Variants in ZNF226 observed in about 807,000 individuals in gnomAD.
ZNF226 encodes Kruppel-associated box protein.
Under a neutral mutation model 11.4 loss-of-function variants are expected in ZNF226, and 6 were observed. The ratio of observed to expected loss-of-function variants is 0.53; its 90% CI spans 0.29 to 1.04. The LOEUF is 1.04. Among genes scored for constraint, ZNF226 ranks in the 50% least tolerant of loss-of-function variants. The pLI is 0.08. For missense variants in ZNF226, 1,058 were observed against 956.5 expected, an observed-to-expected ratio of 1.11 and a Z score of -1.40; for synonymous variants, 350 against 322.8, an observed-to-expected ratio of 1.08 and a Z score of -0.90.
rs1970538333 is a variant in ZNF226, at chr19:44,174,901, A to G, written c.236-597A>G. 2.3e-6 allele frequency: 3 copies of G among 1,307,572 alleles called. 1 individual carries two copies. The South Asian group carries it at 4.0e-5, about 18-fold the overall frequency. The allele number at this position is 1,307,572 out of a possible 1,614,324, so 81.0% of individuals were successfully genotyped here. A position where few individuals can be genotyped will look rare whatever the true frequency, so the allele number is the denominator to read the frequency against. On this transcript the variant is annotated intron_variant, in intron 5 of 5. Transcript: ENST00000337433. ...ACTTTGATTTTTCTCTTCAGCAATA[A>G]CTCACTTGGTGTACCCCTACCTCAG...
chr19:44,177,058 G>A lies in ZNF226; in HGVS notation c.1796G>A (p.Arg599Lys). The A allele has an allele frequency of 1.2e-6, 2 of 1,613,338 alleles. No homozygotes were observed. Among genetic ancestry groups the A allele is most frequent in the Middle Eastern group, 1.7e-4 (1 of 6,056 alleles). The stretch of plus-strand genomic sequence containing the variant: ...GAGTGTGGCAAGGGATTTAGTCGTA[G>A]AGCAGATCTTAAAATTCACTGTAGG... The part of the protein sequence containing the change: ...CEECGKGFSR[R>K]ADLKIHCRIH... The change falls in exon 6 of 6, where the codon AGA becomes AAA. Residue 599 changes from arginine (R) to lysine (K), a missense_variant. Transcript: ENST00000337433.
rs1970783895 is a variant in ZNF226, at chr19:44,177,342, A to G, written c.2080A>G (p.Thr694Ala). 1 of 1,614,086 alleles carries G rather than the reference A, an allele frequency of 6.2e-7. No individual in the cohort carries two copies. The highest frequency in any genetic ancestry group is 8.5e-7 in the Non-Finnish European group (1 of 1,180,046). ...LNLDMHQRVH[T>A]GEKPYKCGEC... ...CCTTGACATGCATCAGAGGGTGCAC[A>G]CAGGAGAAAAACCATATAAATGTGG... The change falls in exon 6 of 6, where the codon ACA (threonine) becomes GCA (alanine). Residue 694 changes from threonine to alanine, a missense_variant. Thr to Ala is a moderately conservative substitution (Grantham distance 58). Transcript: ENST00000337433.
chr19:44,167,479 G>A (rs1293650735), intron 2 of ZNF226, among the ~76,000 whole-genome samples: 2 of 151,266 alleles, frequency 1.3e-5, no homozygotes, highest in East Asian at 1.9e-4. Flanking sequence ...CCACCACACC[G>A]GCTAATTTTT....
At chr19:44,199,486 A>G in the ZNF226 span, among the ~76,000 whole-genome samples, 11 of 151,952 alleles carry the variant, frequency 7.2e-5, no homozygotes, top group African/African-American at 2.4e-4. Context: ...TTCTTACACA[A>G]CTAATTCTGC....
downstream of ZNF226, among the ~76,000 whole-genome samples, chr19:44,180,531 TAGTG>T (rs1970891774): frequency 6.6e-6 from 1 of 152,140 alleles, no homozygotes; most frequent in Non-Finnish European, 1.5e-5. Flanking sequence ...CTCAGTAGCT[TAGTG>T]AGTTAAGTCA....
At chr19:44,185,402 C>G in the ZNF226 span, among the ~76,000 whole-genome samples, 1 of 152,212 alleles carries the variant, frequency 6.6e-6, no homozygotes. Context: ...ACATCCTTGA[C>G]AACACTTGTT....
chr19:44,188,769 G>A, the ZNF226 span, among the ~76,000 whole-genome samples: 20 of 152,134 alleles, frequency 1.3e-4, no homozygotes, highest in Non-Finnish European at 2.2e-4. Flanking sequence ...TGATATAAAT[G>A]TCAATCTAAA....
At chr19:44,167,720 CGTTT>C (rs1487044502) in intron 2 of ZNF226, 4 of 152,158 alleles carry the variant, frequency 2.6e-5, no homozygotes, top group African/African-American at 9.7e-5. Context: ...CCAGTTGTTA[CGTTT>C]GTTTGTTATG....
intron 5 of ZNF226, chr19:44,173,388 C>T (rs1293943472): frequency 8.9e-6 from 2 of 225,268 alleles, no homozygotes; most frequent in African/African-American, 4.5e-5. Flanking sequence ...GTTCTTCCCT[C>T]TGCCTGAAAT....
chr19:44,180,765 G>A (rs1394404584), downstream of ZNF226, among the ~76,000 whole-genome samples: 5 of 152,142 alleles, frequency 3.3e-5, no homozygotes, highest in Non-Finnish European at 7.4e-5. Flanking sequence ...TAAACCAAAT[G>A]ATTTGTCTCC....
chr19:44,166,432 C>A (rs969978687), intron 2 of ZNF226, among the ~76,000 whole-genome samples: 2 of 151,856 alleles, frequency 1.3e-5, no homozygotes, highest in Non-Finnish European at 2.9e-5. Flanking sequence ...ACCCAGGAGG[C>A]GAGGCTGCAG....
rs762065164 is a variant in ZNF226 at position 44,177,322 on chromosome 19, A to G, written c.2060A>G (p.Asp687Gly). 4.3e-6 allele frequency: 7 copies of G among 1,614,204 alleles called. No individual in the cohort carries two copies. The highest frequency in any genetic ancestry group is 5.9e-6 in the Non-Finnish European group (7 of 1,180,026). ...GKGFKWSLNL[D>G]MHQRVHTGEK... ...GGCTTCAAGTGGAGCTTGAACCTTG[A>G]CATGCATCAGAGGGTGCACACAGGA... is the stretch of plus-strand genomic sequence containing the variant. Residue 687 changes from aspartate (D) to glycine (G), a missense_variant, in exon 6 of 6, where the codon GAC becomes GGC. By Grantham distance (94) the Asp-to-Gly change is moderately conservative. Coordinates refer to ENST00000337433, the MANE Select transcript of ZNF226 (RefSeq NM_001032373.2).
downstream of ZNF226, among the ~76,000 whole-genome samples, chr19:44,183,043 G>A (rs1356689940): frequency 2.0e-5 from 3 of 152,046 alleles, no homozygotes; most frequent in Non-Finnish European, 4.4e-5. Flanking sequence ...AAAGTACACT[G>A]ATACGCTGCC....
chr19:44,197,832 A>G, the ZNF226 span, among the ~76,000 whole-genome samples: 4 of 152,138 alleles, frequency 2.6e-5, no homozygotes, highest in African/African-American at 4.8e-5. Flanking sequence ...CACTTTCCTT[A>G]TGGTACATTT....
downstream of ZNF226, among the ~76,000 whole-genome samples, chr19:44,182,455 C>A (rs1174276346): frequency 6.6e-6 from 1 of 152,214 alleles, no homozygotes; most frequent in Non-Finnish European, 1.5e-5. Flanking sequence ...AAATTGTCCC[C>A]AACTGAGAAC....
chr19:44,178,930 C>T (rs1054224618), downstream of ZNF226, among the ~76,000 whole-genome samples: 26 of 152,098 alleles, frequency 1.7e-4, no homozygotes, highest in African/African-American at 1.7e-4. Flanking sequence ...CCATAATCCC[C>T]GTACTTTGGG....
the ZNF226 span, among the ~76,000 whole-genome samples, chr19:44,185,067 G>A: frequency 6.6e-6 from 1 of 152,194 alleles, no homozygotes; most frequent in Non-Finnish European, 1.5e-5. Flanking sequence ...TGTTCTCGAG[G>A]TTGATTAATG....
At chr19:44,169,414 A>G (rs1356409136) in intron 2 of ZNF226, among the ~76,000 whole-genome samples, 1 of 152,196 alleles carries the variant, frequency 6.6e-6, no homozygotes, top group Non-Finnish European at 1.5e-5. Context: ...AATTATTGGA[A>G]AGACGACAAG....
At chr19:44,196,472 A>G in the ZNF226 span, among the ~76,000 whole-genome samples, 1 of 152,164 alleles carries the variant, frequency 6.6e-6, no homozygotes, top group Non-Finnish European at 1.5e-5. Context: ...GACCTCAGAT[A>G]GGCACTGTTC....
Sources: allele counts gnomAD v4.1 joint callset (sites outside exome capture counted in the v4.1 genomes callset), GRCh38; gene constraint gnomAD v4.1.1; transcripts MANE v1.5; gene names NCBI Gene and HGNC (gene_info 2026-07-23, HGNC 2026-07-21).